The following MAP4K3 variants were observed in gnomAD, a reference collection of about 807,000 sequenced individuals.
The protein encoded by MAP4K3 is MAPK/ERK kinase kinase kinase 3.
MAP4K3 carries 94 observed loss-of-function variants against 143.5 expected under a neutral mutation model. That is an observed-to-expected ratio of 0.65 (90% CI 0.55 to 0.78). The LOEUF (loss-of-function observed/expected upper bound fraction) is 0.78, where lower values mean the gene tolerates loss of function less well. MAP4K3 is among the 30% of genes least tolerant of loss of function. The probability of loss-of-function intolerance (pLI) is 0.00; values close to 1 mark genes in which losing one functional copy is unlikely to be tolerated. For missense variants in MAP4K3, 1,077 were observed against 1,068.1 expected (o/e 1.01, Z -0.12); for synonymous variants, 416 against 347.2 (o/e 1.20, Z -2.20).
chr2:39,274,838 T>A (rs1245888607), intron 24 of MAP4K3, among the ~76,000 whole-genome samples: 3 of 152,186 alleles, frequency 2.0e-5, no homozygotes. Context: ...GAGTACTGAA[T>A]AAATGTTAGC....
intron 1 of MAP4K3, among the ~76,000 whole-genome samples, chr2:39,378,606 A>G (rs1481401446): frequency 6.6e-6 from 1 of 152,150 alleles, no homozygotes; most frequent in Non-Finnish European, 1.5e-5. Flanking sequence ...GGCTAGTTGA[A>G]CTAATTAACT....
Position 39,436,872 on chromosome 2 carries a change from C to A in MAP4K3, c.96+20G>T, listed in dbSNP as rs1161135220. ...GGTCGGGATCCCACGGCCTCGGCGG[C>A]GCGCGGCCCCTGCCTTTACCTTGTA... is the stretch of plus-strand genomic sequence containing the variant. On this transcript the variant is annotated intron_variant, in intron 1 of 33. Transcript: ENST00000263881. The A allele has an allele frequency of 1.9e-6, 3 of 1,580,128 alleles. No homozygotes were observed. In the South Asian group the frequency reaches 3.4e-5, roughly 18 times the overall value.
In MAP4K3 at chr2:39,288,177, T is replaced by G. The variant is rs764496742; in HGVS notation, c.1418A>C (p.Gln473Pro). Residue 473 changes from glutamine (Q) to proline (P), a missense_variant, in exon 20 of 34, where the codon CAA (glutamine) becomes CCA (proline). Coordinates refer to ENST00000263881, the MANE Select transcript of MAP4K3 (RefSeq NM_003618.4). ...PMSGSPAKPS[Q>P]VPPRPPPPRL... ...GGGAGGTGGTGGTCTAGGTGGAACT[T>G]GGGATGGCTTTGCTGGGCTCCCTGA... 6.2e-7 allele frequency: 1 copy of G among 1,614,128 alleles called. No homozygotes were observed.
intron 21 of MAP4K3, among the ~76,000 whole-genome samples, chr2:39,284,944 G>A (rs112545248): frequency 0.076 from 11,546 of 151,954 alleles, 1,468 homozygotes; most frequent in African/African-American, 0.26. Context: ...AGGCTGGAGT[G>A]CAGTGGCAGG....
At chr2:39,379,732 T>C (rs1011872303) in intron 1 of MAP4K3, 3 of 168,648 alleles carry the variant, frequency 1.8e-5, no homozygotes, top group African/African-American at 7.2e-5. Flanking sequence ...TTAAAAATCA[T>C]GCTATGGTTT....
chr2:39,338,303 T>C (rs1026069461), intron 4 of MAP4K3, among the ~76,000 whole-genome samples: 14 of 152,332 alleles, frequency 9.2e-5, no homozygotes, highest in East Asian at 3.9e-4. Context: ...TTAGTTGATA[T>C]AGAACATGTA....
chr2:39,425,833 A>C (rs1665055249), intron 1 of MAP4K3, among the ~76,000 whole-genome samples: 2 of 152,220 alleles, frequency 1.3e-5, no homozygotes, highest in Admixed American at 1.3e-4. Flanking sequence ...AAAATAAATA[A>C]ACAAAAATAG....
In MAP4K3 at chr2:39,359,611, G is replaced by A. The variant is rs117839292; in HGVS notation, c.155-3272C>T. On this transcript the variant is annotated intron_variant, in intron 2 of 33. Coordinates refer to ENST00000263881, the MANE Select transcript of MAP4K3 (RefSeq NM_003618.4). ...TTCTGCACTGCCCTAGCAGAACCAC[G>A]AGGGCTCCACCCTTGCAGCAAACTT... 6.9e-4 allele frequency among the ~76,000 whole-genome samples: 105 copies of A among 152,342 alleles called. No individual in the cohort carries two copies. In the East Asian group the frequency reaches 0.015, roughly 22 times the overall value.
chr2:39,374,458 G>C (rs1054662316), intron 2 of MAP4K3, among the ~76,000 whole-genome samples: 10 of 151,966 alleles, frequency 6.6e-5, no homozygotes, highest in African/African-American at 2.4e-4. Context: ...GAGGCGGGTG[G>C]ATCACCTGAG....
chr2:39,288,093 CAT>C (rs1296060535), intron 20 of MAP4K3, 26 bp downstream of exon 20: 9 of 1,611,420 alleles, frequency 5.6e-6, no homozygotes, highest in Non-Finnish European at 7.6e-6. Context: ...AACCTGGTAA[CAT>C]ATTTGCTGTC....
chr2:39,322,700 C>T (rs548923957), intron 12 of MAP4K3, among the ~76,000 whole-genome samples: 5 of 147,774 alleles, frequency 3.4e-5, no homozygotes, highest in Non-Finnish European at 3.0e-5. Context: ...GATGGAGTCT[C>T]GCTCTGTTGC....
At chr2:39,400,303 C>T (rs142069447) in intron 1 of MAP4K3, among the ~76,000 whole-genome samples, 1 of 152,330 alleles carries the variant, frequency 6.6e-6, no homozygotes, top group East Asian at 1.9e-4. Flanking sequence ...CCAGTCTTGA[C>T]TCTACCATCC....
At chr2:39,418,445 G>A (rs1667453168) in intron 1 of MAP4K3, among the ~76,000 whole-genome samples, 1 of 152,156 alleles carries the variant, frequency 6.6e-6, no homozygotes, top group Admixed American at 6.5e-5. Context: ...AATTTACGAA[G>A]CTACTCCCTT....
At chr2:39,369,205 G>GTTTTTTTTTTGTTTTTTTTTTTTTTTT (rs68013609) in intron 2 of MAP4K3, among the ~76,000 whole-genome samples, 2 of 125,380 alleles carry the variant, frequency 1.6e-5, no homozygotes, top group African/African-American at 3.2e-5. Flanking sequence ...TTTTTTTTTT[G>GTTTTTTTTTTGTTTTTTTTTTTTTTTT]TTTTTTTTGA....
At chr2:39,385,566 A>G (rs1666478457) in intron 1 of MAP4K3, among the ~76,000 whole-genome samples, 1 of 20,608 alleles carries the variant, frequency 4.9e-5, no homozygotes. Context: ...ATATATATAT[A>G]TATATATATA....
intron 11 of MAP4K3, 49 bp downstream of exon 11, chr2:39,325,681 C>T: frequency 6.4e-7 from 1 of 1,556,928 alleles, no homozygotes; most frequent in Non-Finnish European, 8.8e-7. Flanking sequence ...GATTGAATAA[C>T]ATTTTATCTT....
At chr2:39,324,324 T>C (rs556187272) in intron 12 of MAP4K3, among the ~76,000 whole-genome samples, 7 of 151,968 alleles carry the variant, frequency 4.6e-5, no homozygotes, top group Non-Finnish European at 1.0e-4. Context: ...GGAGAATCGT[T>C]TGAACCCAGG....
chr2:39,309,193 A>G (rs1260013871), intron 14 of MAP4K3, among the ~76,000 whole-genome samples: 1 of 152,120 alleles, frequency 6.6e-6, no homozygotes. Context: ...GTGCTATCAT[A>G]GCTCACTGCA....
chr2:39,253,342 C>T (rs137972666), intron 32 of MAP4K3, among the ~76,000 whole-genome samples: 1,889 of 152,272 alleles, frequency 0.012, 23 homozygotes, highest in South Asian at 0.031. Flanking sequence ...CCATGTTGGC[C>T]AGGCTGGTTT....
Sources: allele counts gnomAD v4.1 joint callset (sites outside exome capture counted in the v4.1 genomes callset), GRCh38; gene constraint gnomAD v4.1.1; transcripts MANE v1.5; gene names NCBI Gene and HGNC (gene_info 2026-07-23, HGNC 2026-07-21).